Variants in ANKRD62 observed in about 807,000 individuals in gnomAD.
ANKRD62 encodes ankyrin repeat domain-containing protein 62.
In ANKRD62, 61 loss-of-function variants were observed where a neutral mutation model predicts 98.8. The ratio of observed to expected loss-of-function variants is 0.62; its 90% CI spans 0.50 to 0.76. The LOEUF (loss-of-function observed/expected upper bound fraction) is 0.76, where lower values mean the gene tolerates loss of function less well. Ranked by LOEUF, ANKRD62 falls within the 30% of genes least tolerant of loss-of-function variation. ANKRD62 has a pLI of 0.00. For synonymous variants in ANKRD62, 341 were observed against 367.9 expected (o/e 0.93, Z 0.84); for missense variants, 933 against 1,082.9 (o/e 0.86, Z 1.94).
chr18:12,097,228 T>C (rs949153657), intron 4 of ANKRD62, among the ~76,000 whole-genome samples: 3 of 152,216 alleles, frequency 2.0e-5, no homozygotes, highest in African/African-American at 7.2e-5. Flanking sequence ...ATTAGCATTA[T>C]TATTATTGTT....
rs1270519610 is a variant in ANKRD62, at chr18:12,122,463, A to G, written c.1401A>G (p.Lys467=). Residue 467 remains lysine (K), a synonymous_variant, in exon 11 of 14, where the codon AAA becomes AAG. Coordinates refer to ENST00000587848, the MANE Select transcript of ANKRD62 (RefSeq NM_001277333.2). ...TACTATCTGAAACAGACAAAACCAA[A>G]TCACAGTCAGAGCATCAGAATCTTC... ...QKVLSETDKT[K]SQSEHQNLQG... is the part of the protein sequence containing the mutation. 1 of 1,535,046 alleles carries G rather than the reference A, an allele frequency of 6.5e-7. No individual in the cohort carries two copies. The highest frequency in any genetic ancestry group is 8.7e-7 in the Non-Finnish European group (1 of 1,146,610).
At chr18:12,164,550 T>G in the ANKRD62 span, among the ~76,000 whole-genome samples, 2 of 152,020 alleles carry the variant, frequency 1.3e-5, no homozygotes, top group South Asian at 4.1e-4. Flanking sequence ...CTCTGGATTT[T>G]CCAGTTCTTT....
the ANKRD62 span, among the ~76,000 whole-genome samples, chr18:12,152,056 A>C: frequency 6.6e-6 from 1 of 151,412 alleles, no homozygotes; most frequent in Non-Finnish European, 1.5e-5. Context: ...ATGAGCTCCA[A>C]AGTTGAATAG....
the ANKRD62 span, among the ~76,000 whole-genome samples, chr18:12,136,800 CT>C: frequency 6.6e-6 from 1 of 152,152 alleles, no homozygotes; most frequent in East Asian, 1.9e-4. Flanking sequence ...ATTTTATTCT[CT>C]TTGAAGCAAT....
chr18:12,159,063 C>T, the ANKRD62 span, among the ~76,000 whole-genome samples: 1 of 152,086 alleles, frequency 6.6e-6, no homozygotes, highest in Non-Finnish European at 1.5e-5. Context: ...ATGCAAGACA[C>T]TGAACACAGC....
intron 8 of ANKRD62, among the ~76,000 whole-genome samples, chr18:12,112,506 G>A (rs191636629): frequency 6.6e-6 from 1 of 152,290 alleles, no homozygotes; most frequent in East Asian, 1.9e-4. Flanking sequence ...TAACTGGCTA[G>A]CCATATGCAG....
intron 8 of ANKRD62, 117 bp downstream of exon 8, chr18:12,107,584 C>T (rs1909443024): frequency 1.2e-5 from 9 of 775,826 alleles, no homozygotes. Context: ...GAATATTCTG[C>T]CTTGCCTGGT....
chr18:12,181,182 A>C, the ANKRD62 span, among the ~76,000 whole-genome samples: 1 of 152,036 alleles, frequency 6.6e-6, no homozygotes, highest in Admixed American at 6.6e-5. Context: ...ATAGCTTTGA[A>C]ACTAAAATCA....
In ANKRD62 at chr18:12,094,194, G is replaced by C. The variant is rs1909113762; in HGVS notation, c.177G>C (p.Leu59Phe). 1 of 1,531,270 alleles carries C rather than the reference G, an allele frequency of 6.5e-7. No homozygotes were observed. Among genetic ancestry groups the C allele is most frequent in the African/African-American group, 1.4e-5 (1 of 71,060 alleles). The allele number at this position is 1,531,270 out of a possible 1,614,324, so 94.9% of individuals were successfully genotyped here. A position where few individuals can be genotyped will look rare whatever the true frequency, so the allele number is the denominator to read the frequency against. ...GDVNKVMESILLRLNDLNDRD... is the reference protein window; with the variant it reads ...GDVNKVMESIFLRLNDLNDRD... ...TGAACAAGGTGATGGAGAGCATCTT[G>C]CTCAGGCTGAATGACTTGAACGACA... The change falls in exon 1 of 14, where the codon TTG becomes TTC. Residue 59 changes from leucine to phenylalanine, a missense_variant. Coordinates refer to ENST00000587848, the MANE Select transcript of ANKRD62 (RefSeq NM_001277333.2).
At chr18:12,130,900 G>A (rs929262874), downstream of ANKRD62, among the ~76,000 whole-genome samples, 2 of 152,134 alleles carry the variant, frequency 1.3e-5, no homozygotes, top group Non-Finnish European at 1.5e-5. Context: ...ATGTTGGCCA[G>A]GCTGGTCTTG....
At chr18:12,152,659 C>A in the ANKRD62 span, among the ~76,000 whole-genome samples, 9 of 152,172 alleles carry the variant, frequency 5.9e-5, no homozygotes, top group Middle Eastern at 3.4e-3. Flanking sequence ...GCATTCCCCT[C>A]AAAAACCAGC....
rs767206257 is a variant in ANKRD62, at chr18:12,112,165, A to G, written c.1065-2923A>G. ...CTGCCCAAAGCATTTCGTAGACTCA[A>G]TGCTGTTCCTATTAAACTACCATTG... On this transcript the variant is annotated intron_variant, in intron 8 of 13. Transcript: ENST00000587848. Among the ~76,000 whole-genome samples, 19 of 152,134 alleles carry G rather than the reference A, an allele frequency of 1.2e-4. No individual in the cohort carries two copies. The East Asian group carries it at 1.4e-3, about 11-fold the overall frequency.
At chr18:12,156,675 C>T in the ANKRD62 span, among the ~76,000 whole-genome samples, 1 of 152,122 alleles carries the variant, frequency 6.6e-6, no homozygotes, top group Non-Finnish European at 1.5e-5. Context: ...TGGCTCTAAT[C>T]AAAGTTTTAA....
intron 5 of ANKRD62, among the ~76,000 whole-genome samples, 185 bp from the exon 6 acceptor site, chr18:12,099,429 CT>C (rs1909252062): frequency 6.6e-6 from 1 of 151,926 alleles, no homozygotes; most frequent in African/African-American, 2.4e-5. Flanking sequence ...TTATACTGTC[CT>C]CACTTCATAC....
At chr18:12,123,160 G>T (rs1395646814) in intron 11 of ANKRD62, among the ~76,000 whole-genome samples, 1 of 151,894 alleles carries the variant, frequency 6.6e-6, no homozygotes, top group Non-Finnish European at 1.5e-5. Context: ...CAATTCTTGT[G>T]CCTCAGCCTC....
chr18:12,107,166 C>G, intron 7 of ANKRD62, 129 bp from the exon 8 acceptor site: 1 of 340,290 alleles, frequency 2.9e-6, no homozygotes, highest in Non-Finnish European at 5.0e-6. Flanking sequence ...AAAGTAAGCA[C>G]AAGGTATTTT....
rs1909103193 is a variant in ANKRD62, at chr18:12,093,899, G to C, written c.-119G>C. 2 of 904,240 alleles carry C rather than the reference G, an allele frequency of 2.2e-6. No individual in the cohort carries two copies. The highest frequency in any genetic ancestry group is 3.4e-6 in the Non-Finnish European group (2 of 587,076). 56.0% of individuals were successfully genotyped at this position (904,240 alleles called of 1,614,324 possible). A position where few individuals can be genotyped will look rare whatever the true frequency, so the allele number is the denominator to read the frequency against. On this transcript the variant is annotated 5_prime_UTR_variant, in exon 1 of 14. Transcript: ENST00000587848. ...GCTGGAGACTGGAGTGTCCCTGACG[G>C]AGGTTGCGGCTGGACCTGGTTACGT...
the ANKRD62 span, among the ~76,000 whole-genome samples, chr18:12,137,493 A>G: frequency 6.6e-6 from 1 of 152,174 alleles, no homozygotes; most frequent in Admixed American, 6.5e-5. Flanking sequence ...CATCAAGGAT[A>G]TTGGTCTAAA....
the ANKRD62 span, among the ~76,000 whole-genome samples, chr18:12,170,036 C>T: frequency 1.3e-5 from 2 of 152,086 alleles, no homozygotes; most frequent in Admixed American, 1.3e-4. Context: ...CTTTATTAGT[C>T]TTGCTAGAGG....
Sources: allele counts gnomAD v4.1 joint callset (sites outside exome capture counted in the v4.1 genomes callset), GRCh38; gene constraint gnomAD v4.1.1; transcripts MANE v1.5; gene names NCBI Gene and HGNC (gene_info 2026-07-23, HGNC 2026-07-21).